AK9: variants seen among roughly 807,000 people sequenced by gnomAD.
AK9 encodes the protein adenylate kinase 9, also known as adenylate kinase domain containing 1.
Under a neutral mutation model 239.6 loss-of-function variants are expected in AK9, and 191 were observed. The ratio of observed to expected loss-of-function variants is 0.80; its 90% CI spans 0.71 to 0.90. AK9 has a LOEUF of 0.90. Among genes scored for constraint, AK9 ranks in the 40% least tolerant of loss-of-function variants. The pLI is 0.00. For synonymous variants in AK9, 689 were observed against 721.0 expected (o/e 0.96, Z 0.71); for missense variants, 1,995 against 2,214.7 (o/e 0.90, Z 1.99).
At chr6:109,609,655 T>C (rs1194645353) in intron 17 of AK9, among the ~76,000 whole-genome samples, 1 of 152,226 alleles carries the variant, frequency 6.6e-6, no homozygotes, top group Non-Finnish European at 1.5e-5. Flanking sequence ...CCACCCAATG[T>C]GTTACAAAGA....
chr6:109,635,172 G>A (rs1337748056), intron 10 of AK9, among the ~76,000 whole-genome samples: 1 of 152,196 alleles, frequency 6.6e-6, no homozygotes, highest in Non-Finnish European at 1.5e-5. Context: ...GACTAGAGGT[G>A]CTGATCAAGG....
chr6:109,678,707 C>T (rs1408712297), intron 1 of AK9, among the ~76,000 whole-genome samples: 2 of 152,252 alleles, frequency 1.3e-5, no homozygotes, highest in South Asian at 2.1e-4. Context: ...CAGCTCCCAG[C>T]GAGATCAACA....
At chr6:109,580,625 T>C (rs374355075) in intron 19 of AK9, among the ~76,000 whole-genome samples, 16 of 152,306 alleles carry the variant, frequency 1.1e-4, no homozygotes, top group Admixed American at 6.5e-4. Flanking sequence ...TCCCTTCTTT[T>C]GAAAGCTAGT....
In AK9 at chr6:109,625,291, T is replaced by C. The variant is rs551133458; in HGVS notation, c.1255-6055A>G. ...TTTCACTTGCTATATACTTCTAGGA[T>C]GGCTTTTCTTCTTGTAGTTGTTTAA... On this transcript the variant is annotated intron_variant, in intron 12 of 40. Coordinates refer to ENST00000424296, the MANE Select transcript of AK9 (RefSeq NM_001145128.3). Among the ~76,000 whole-genome samples, 13 of 152,370 alleles carry C rather than the reference T, an allele frequency of 8.5e-5. 1 individual carries two copies. The highest frequency in any genetic ancestry group is 6.8e-3 in the Middle Eastern group (2 of 294).
At chr6:109,629,733 C>T (rs1247702469) in intron 12 of AK9, among the ~76,000 whole-genome samples, 19 of 151,836 alleles carry the variant, frequency 1.3e-4, no homozygotes, top group African/African-American at 4.1e-4. Context: ...CCCGGGTTCA[C>T]GCCATTCTCC....
At chr6:109,532,221 G>T (rs780545786) in intron 28 of AK9, among the ~76,000 whole-genome samples, 4 of 152,148 alleles carry the variant, frequency 2.6e-5, no homozygotes, top group Admixed American at 6.5e-5. Context: ...TATTGGCAAG[G>T]AGCTCCCTGC....
intron 6 of AK9, 109 bp downstream of exon 6, chr6:109,662,442 A>C: frequency 1.1e-6 from 1 of 923,334 alleles, no homozygotes; most frequent in Non-Finnish European, 1.4e-6. Flanking sequence ...TGATTGATGC[A>C]TAAGTTATTA....
At chr6:109,642,954 A>G (rs1186829067) in intron 9 of AK9, among the ~76,000 whole-genome samples, 1 of 152,224 alleles carries the variant, frequency 6.6e-6, no homozygotes, top group Non-Finnish European at 1.5e-5. Flanking sequence ...GTTAGAAGAT[A>G]TCTAAAGCTA....
intron 35 of AK9, among the ~76,000 whole-genome samples, chr6:109,504,478 T>TA (rs1360099463): frequency 3.3e-5 from 5 of 152,208 alleles, no homozygotes; most frequent in Admixed American, 1.3e-4. Flanking sequence ...GGGATATACT[T>TA]ATACTAAAGA....
intron 17 of AK9, among the ~76,000 whole-genome samples, chr6:109,599,922 A>AT (rs1791667276): frequency 6.6e-6 from 1 of 152,158 alleles, no homozygotes; most frequent in Non-Finnish European, 1.5e-5. Context: ...TTGCACATTG[A>AT]TTTTGTATAC....
At chr6:109,522,628 T>C (rs1779988246) in intron 29 of AK9, among the ~76,000 whole-genome samples, 1 of 152,152 alleles carries the variant, frequency 6.6e-6, no homozygotes, top group Non-Finnish European at 1.5e-5. Flanking sequence ...TTGAATTTTC[T>C]GAGAGAAAGT....
intron 1 of AK9, among the ~76,000 whole-genome samples, chr6:109,684,481 A>G (rs1015792300): frequency 2.0e-5 from 3 of 151,978 alleles, no homozygotes; most frequent in African/African-American, 7.2e-5. Flanking sequence ...ATGGGAGAAA[A>G]TTGTTGCAAT....
At chr6:109,513,067 G>A (rs907497541) in intron 32 of AK9, among the ~76,000 whole-genome samples, 2 of 152,126 alleles carry the variant, frequency 1.3e-5, no homozygotes, top group Non-Finnish European at 2.9e-5. Context: ...GTCTCACTAT[G>A]TTACCCAGGC....
chr6:109,501,704 T>G (rs1291347569), intron 35 of AK9, among the ~76,000 whole-genome samples: 2 of 152,166 alleles, frequency 1.3e-5, no homozygotes, highest in Non-Finnish European at 2.9e-5. Context: ...CATCTAAGAC[T>G]CATCAGAGTC....
chr6:109,619,587 TAAG>T (rs1794584884), intron 12 of AK9, among the ~76,000 whole-genome samples: 1 of 152,120 alleles, frequency 6.6e-6, no homozygotes, highest in Admixed American at 6.6e-5. Context: ...GCATACATCT[TAAG>T]TACACAGTTT....
intron 17 of AK9, among the ~76,000 whole-genome samples, chr6:109,605,590 C>T (rs1792747055): frequency 6.6e-6 from 1 of 152,068 alleles, no homozygotes; most frequent in Non-Finnish European, 1.5e-5. Context: ...AGAGCAAATA[C>T]TGAGCAATTT....
At chr6:109,622,694 T>C (rs1795027474) in intron 12 of AK9, among the ~76,000 whole-genome samples, 1 of 149,162 alleles carries the variant, frequency 6.7e-6, no homozygotes, top group South Asian at 2.1e-4. Context: ...ATAATATGTA[T>C]AAAATGTAGA....
intron 24 of AK9, among the ~76,000 whole-genome samples, chr6:109,559,253 T>C (rs1188637289): frequency 1.3e-5 from 2 of 151,932 alleles, no homozygotes; most frequent in African/African-American, 4.8e-5. Context: ...CTGCAGGCTC[T>C]GCCTCCCGGG....
chr6:109,512,754 ACAAC>A (rs1191918919), intron 32 of AK9, among the ~76,000 whole-genome samples: 3 of 152,314 alleles, frequency 2.0e-5, no homozygotes, highest in East Asian at 3.9e-4. Flanking sequence ...TTGAAATACT[ACAAC>A]CAACCAAGTT....
Sources: gnomAD v4.1 joint callset for allele counts (sites outside exome capture counted in the v4.1 genomes callset) on GRCh38, gnomAD v4.1.1 for gene constraint, MANE v1.5 for transcripts, NCBI Gene and HGNC (gene_info 2026-07-23, HGNC 2026-07-21) for gene names.